The following MUSK variants were observed in gnomAD, a reference collection of about 807,000 sequenced individuals.
MUSK encodes the protein muscle associated receptor tyrosine kinase, also known as muscle, skeletal receptor tyrosine-protein kinase.
In MUSK, 55 loss-of-function variants were observed where a neutral mutation model predicts 88.7. That is an observed-to-expected ratio of 0.62 (90% CI 0.50 to 0.78). The LOEUF (loss-of-function observed/expected upper bound fraction) is 0.78. MUSK is among the 30% of genes least tolerant of loss of function. The pLI is 0.00. For missense variants in MUSK, 1,015 were observed against 1,074.3 expected (o/e 0.94, Z 0.77); for synonymous variants, 387 against 391.9 (o/e 0.99, Z 0.15).
At chr9:110,716,726 G>A (rs2076748630) in intron 5 of MUSK, among the ~76,000 whole-genome samples, 2 of 149,848 alleles carry the variant, frequency 1.3e-5, no homozygotes, top group Non-Finnish European at 2.9e-5. Flanking sequence ...GAGAATTTTA[G>A]TTTTGCCTTA....
intron 3 of MUSK, among the ~76,000 whole-genome samples, chr9:110,690,344 A>T (rs1382307836): frequency 9.1e-6 from 1 of 109,726 alleles, no homozygotes; most frequent in African/African-American, 3.7e-5. Context: ...ATAAGTATAT[A>T]TATATTTAAA....
intron 5 of MUSK, among the ~76,000 whole-genome samples, chr9:110,716,310 CTT>C (rs1564241346): frequency 1.3e-5 from 2 of 149,850 alleles, no homozygotes; most frequent in Non-Finnish European, 2.9e-5. Context: ...TTTTACATCT[CTT>C]TTTGATACAC....
chr9:110,766,727 T>C (rs1318645125), intron 8 of MUSK, among the ~76,000 whole-genome samples: 1 of 152,220 alleles, frequency 6.6e-6, no homozygotes, highest in Non-Finnish European at 1.5e-5. Flanking sequence ...AAATTCTTTA[T>C]ATAAAGACAA....
At position 110,729,348 on chromosome 9, in the gene MUSK, A is replaced by C. The variant is rs1236800752; in HGVS notation, c.629-4903A>C. Among the ~76,000 whole-genome samples, 9 of 147,470 alleles carry C rather than the reference A, an allele frequency of 6.1e-5. No homozygotes were observed. The East Asian group carries it at 1.6e-3, about 26-fold the overall frequency. ...CTGTAAAAAAAAAAAAAAAAAAGAAAAAAGAAAAAAAAAAAAGGTACCTTG... is the reference window on the plus strand; with the variant it reads ...CTGTAAAAAAAAAAAAAAAAAAGAACAAAGAAAAAAAAAAAAGGTACCTTG... On this transcript the variant is annotated intron_variant, in intron 5 of 14. Transcript: ENST00000374448.
intron 3 of MUSK, among the ~76,000 whole-genome samples, chr9:110,688,105 T>A (rs1426785042): frequency 1.3e-5 from 2 of 152,108 alleles, no homozygotes; most frequent in South Asian, 4.1e-4. Context: ...TGTATTCCTA[T>A]ACAAAATCTT....
At chr9:110,785,445 A>G (rs2077839158) in intron 12 of MUSK, 82 bp from the exon 13 acceptor site, 4 of 1,185,662 alleles carry the variant, frequency 3.4e-6, no homozygotes, top group East Asian at 2.5e-5. Flanking sequence ...CTTAAATGCC[A>G]TATTTCTTAG....
chr9:110,765,856 G>C (rs145286676), intron 8 of MUSK, among the ~76,000 whole-genome samples: 1 of 152,122 alleles, frequency 6.6e-6, no homozygotes, highest in Non-Finnish European at 1.5e-5. Flanking sequence ...TTACAGGTGT[G>C]AGCCACCACA....
At chr9:110,778,192 A>AT (rs2077699253) in intron 11 of MUSK, among the ~76,000 whole-genome samples, 1 of 152,104 alleles carries the variant, frequency 6.6e-6, no homozygotes, top group African/African-American at 2.4e-5. Context: ...TTCCTTGAGC[A>AT]TAGGGACTAG....
intron 6 of MUSK, among the ~76,000 whole-genome samples, chr9:110,743,300 T>C (rs763359541): frequency 6.6e-6 from 1 of 152,324 alleles, no homozygotes; most frequent in African/African-American, 2.4e-5. Context: ...TTTCCTCCTA[T>C]GGAAATACCA....
At chr9:110,689,757 TA>T (rs1462221954) in intron 3 of MUSK, among the ~76,000 whole-genome samples, 11 of 38,574 alleles carry the variant, frequency 2.9e-4, no homozygotes, top group Non-Finnish European at 5.5e-4. Flanking sequence ...ATATTATATA[TA>T]AACTATATAT....
chr9:110,707,739 A>C (rs191060261), intron 5 of MUSK, among the ~76,000 whole-genome samples: 102 of 152,342 alleles, frequency 6.7e-4, no homozygotes, highest in African/African-American at 1.7e-3. Flanking sequence ...AACAAAAAGA[A>C]GAGAGTCCTT....
intron 14 of MUSK, among the ~76,000 whole-genome samples, chr9:110,797,027 T>C (rs1588049156): frequency 1.6e-5 from 1 of 64,468 alleles, no homozygotes; most frequent in Admixed American, 1.6e-4. Flanking sequence ...GATGACACGT[T>C]AGTGGGTGCA....
intron 11 of MUSK, among the ~76,000 whole-genome samples, chr9:110,781,317 C>A (rs1405449731): frequency 6.6e-6 from 1 of 151,922 alleles, no homozygotes; most frequent in Non-Finnish European, 1.5e-5. Flanking sequence ...CACTCTGTCG[C>A]CCAGGCTGGA....
intron 8 of MUSK, among the ~76,000 whole-genome samples, chr9:110,767,512 T>G (rs1277461286): frequency 6.6e-6 from 1 of 152,090 alleles, no homozygotes; most frequent in Non-Finnish European, 1.5e-5. Context: ...TAACTAAGAG[T>G]AGTCAGATTC....
chr9:110,786,246 G>GT (rs1344117712), intron 13 of MUSK, among the ~76,000 whole-genome samples: 1 of 149,494 alleles, frequency 6.7e-6, no homozygotes, highest in Non-Finnish European at 1.5e-5. Context: ...GGAAGACAGA[G>GT]GTTGCAGTGA....
At chr9:110,707,641 G>A (rs560517357) in intron 5 of MUSK, among the ~76,000 whole-genome samples, 16 of 152,178 alleles carry the variant, frequency 1.1e-4, no homozygotes, top group Non-Finnish European at 1.6e-4. Flanking sequence ...ATCAAGAGAG[G>A]GCTGTCAGTC....
intron 2 of MUSK, among the ~76,000 whole-genome samples, chr9:110,684,188 C>T (rs992951505): frequency 4.6e-5 from 7 of 152,050 alleles, no homozygotes; most frequent in African/African-American, 1.7e-4. Context: ...TAGTTTTATT[C>T]TTCTGTACAT....
chr9:110,728,658 GTGTT>G (rs774263316), intron 5 of MUSK: 133 of 1,417,718 alleles, frequency 9.4e-5, no homozygotes, highest in Admixed American at 1.4e-4. Context: ...TTTATTGTGT[GTGTT>G]TGTTTTGTCT....
chr9:110,695,279 T>C (rs2076416870), intron 3 of MUSK, 124 bp from the exon 4 acceptor site: 1 of 684,400 alleles, frequency 1.5e-6, no homozygotes, highest in Non-Finnish European at 2.3e-6. Context: ...TTGGTGAATT[T>C]TGTAATGTAA....
Sources: allele counts gnomAD v4.1 joint callset (sites outside exome capture counted in the v4.1 genomes callset), GRCh38; gene constraint gnomAD v4.1.1; transcripts MANE v1.5; gene names NCBI Gene and HGNC (gene_info 2026-07-23, HGNC 2026-07-21).